CLGN: variants seen among roughly 807,000 people sequenced by gnomAD.
CLGN encodes testis tissue sperm-binding protein Li 79P.
CLGN carries 62 observed loss-of-function variants against 79.1 expected under a neutral mutation model. The observed-to-expected ratio is 0.78, with a 90% confidence interval of 0.64 to 0.97. The LOEUF is 0.97. Ranked by LOEUF, CLGN falls within the 50% of genes least tolerant of loss-of-function variation. The pLI is 0.00. For synonymous variants in CLGN, 225 were observed against 224.7 expected, an observed-to-expected ratio of 1.00 and a Z score of -0.01; for missense variants, 647 against 715.5, an observed-to-expected ratio of 0.90 and a Z score of 1.09.
At chr4:140,412,587 C>A (rs1168566604) in intron 2 of CLGN, among the ~76,000 whole-genome samples, 1 of 152,004 alleles carries the variant, frequency 6.6e-6, no homozygotes, top group Non-Finnish European at 1.5e-5. Context: ...CAAGGAACTG[C>A]AAATTATATA....
intron 4 of CLGN, among the ~76,000 whole-genome samples, chr4:140,407,427 C>T (rs1392247999): frequency 6.6e-6 from 1 of 151,892 alleles, no homozygotes; most frequent in African/African-American, 2.4e-5. Context: ...ACCTAGAAAA[C>T]CCAAAAGACT....
At chr4:140,401,117 T>A (rs975192873) in intron 6 of CLGN, among the ~76,000 whole-genome samples, 3 of 152,184 alleles carry the variant, frequency 2.0e-5, no homozygotes, top group Non-Finnish European at 2.9e-5. Context: ...CTGACTCAAA[T>A]TTTTTAAAGC....
chr4:140,390,535 CAA>C, intron 14 of CLGN, 91 bp downstream of exon 14: 1 of 767,182 alleles, frequency 1.3e-6, no homozygotes, highest in South Asian at 2.5e-5. Flanking sequence ...AGAAATATGG[CAA>C]AAATTCTTTC....
In CLGN at chr4:140,425,622, CT is replaced by C. The variant is rs60198755; in HGVS notation, c.-10+1914del. Among the ~76,000 whole-genome samples, 604 of 97,136 alleles carry C rather than the reference CT, an allele frequency of 6.2e-3. 2 individuals are homozygous for C. Among genetic ancestry groups the C allele is most frequent in the African/African-American group, 0.021 (490 of 23,824 alleles). The allele number at this position is 97,136 out of a possible 152,430, so 63.7% of individuals were successfully genotyped here. A position where few individuals can be genotyped will look rare whatever the true frequency, so the allele number is the denominator to read the frequency against. On this transcript the variant is annotated intron_variant, in intron 1 of 14. Coordinates refer to ENST00000325617, the MANE Select transcript of CLGN (RefSeq NM_004362.3). Reference sequence around the variant, plus strand: ...TTTCTGTGACACATTTTTGTAATTCCTTTTTTTTTTTTTTTTTTTTTTTTGA... The same window carrying C: ...TTTCTGTGACACATTTTTGTAATTCCTTTTTTTTTTTTTTTTTTTTTTTGA...
chr4:140,400,886 CT>C (rs1375810383), intron 6 of CLGN, among the ~76,000 whole-genome samples: 1 of 152,000 alleles, frequency 6.6e-6, no homozygotes, highest in Non-Finnish European at 1.5e-5. Context: ...TATTTATGGC[CT>C]TAAGACTAAA....
At chr4:140,406,741 T>C (rs1278626901) in intron 4 of CLGN, among the ~76,000 whole-genome samples, 1 of 152,206 alleles carries the variant, frequency 6.6e-6, no homozygotes, top group Non-Finnish European at 1.5e-5. Flanking sequence ...GATCAGGACA[T>C]TCCTGAAATT....
At chr4:140,397,805 G>A (rs1203730449) in intron 8 of CLGN, among the ~76,000 whole-genome samples, 2 of 152,172 alleles carry the variant, frequency 1.3e-5, no homozygotes, top group African/African-American at 4.8e-5. Context: ...TCATGAGGCT[G>A]AGGCAGGAGA....
At chr4:140,392,024 T>C (rs1473629119) in intron 13 of CLGN, among the ~76,000 whole-genome samples, 195 bp downstream of exon 13, 2 of 151,956 alleles carry the variant, frequency 1.3e-5, no homozygotes, top group East Asian at 3.8e-4. Flanking sequence ...TCCTTCTTCC[T>C]AGAATGCAAA....
chr4:140,407,231 T>C (rs1032049797), intron 4 of CLGN, among the ~76,000 whole-genome samples: 1 of 152,164 alleles, frequency 6.6e-6, no homozygotes, highest in African/African-American at 2.4e-5. Flanking sequence ...CTCACATTGA[T>C]GGTGAATTGT....
chr4:140,422,311 A>G (rs2126635508), intron 1 of CLGN, among the ~76,000 whole-genome samples: 1 of 152,296 alleles, frequency 6.6e-6, no homozygotes, highest in African/African-American at 2.4e-5. Flanking sequence ...TGCTATTAGG[A>G]TTATGACAGG....
At chr4:140,402,213 A>G (rs1729012791) in intron 5 of CLGN, 147 bp from the exon 6 acceptor site, 2 of 461,156 alleles carry the variant, frequency 4.3e-6, no homozygotes, top group Admixed American at 4.2e-5. Flanking sequence ...TACAACCTAT[A>G]GGAAATAAGC....
At position 140,412,946 on chromosome 4, in the gene CLGN, G is replaced by A. The variant is rs753358967; in HGVS notation, c.133C>T (p.Leu45Phe). 5 of 1,613,066 alleles carry A rather than the reference G, an allele frequency of 3.1e-6. No individual in the cohort carries two copies. Among genetic ancestry groups the A allele is most frequent in the African/African-American group, 1.3e-5 (1 of 74,876 alleles). Reference sequence around the variant, plus strand: ...CTCAATAACCATACCTCTGAGGAAAGTTCACTTTCATTAACATCAATTTCT... The same window carrying A: ...CTCAATAACCATACCTCTGAGGAAAATTCACTTTCATTAACATCAATTTCT... ...SEEIDVNESELSSEIKYKTPQ... is the reference protein window; with the variant it reads ...SEEIDVNESEFSSEIKYKTPQ... The change falls in exon 2 of 15, where the codon CTT (leucine) becomes TTT (phenylalanine). Residue 45 changes from leucine (L) to phenylalanine (F), a missense_variant. Physicochemically the swap from Leu to Phe is conservative, Grantham distance 22. Transcript: ENST00000325617.
chr4:140,397,403 T>A (rs1463001390), intron 8 of CLGN, among the ~76,000 whole-genome samples: 1 of 152,052 alleles, frequency 6.6e-6, no homozygotes, highest in African/African-American at 2.4e-5. Flanking sequence ...GTCAGCTATA[T>A]GATTGAAAAT....
chr4:140,418,457 A>G (rs1225780349), intron 1 of CLGN, among the ~76,000 whole-genome samples: 1 of 147,860 alleles, frequency 6.8e-6, no homozygotes. Flanking sequence ...TACTCATCTG[A>G]CAAAGGGCTA....
At chr4:140,392,162 T>A in intron 13 of CLGN, 57 bp downstream of exon 13, 1 of 1,567,598 alleles carries the variant, frequency 6.4e-7, no homozygotes, top group East Asian at 2.2e-5. Flanking sequence ...CAAGGCCATA[T>A]ACAGTTTTAT....
At chr4:140,425,372 T>C (rs141054199) in intron 1 of CLGN, among the ~76,000 whole-genome samples, 81 of 152,000 alleles carry the variant, frequency 5.3e-4, no homozygotes, top group Non-Finnish European at 8.8e-4. Flanking sequence ...CCTGAATCAT[T>C]ACTTGGAGGA....
At chr4:140,415,476 C>T (rs1729310070) in intron 1 of CLGN, among the ~76,000 whole-genome samples, 1 of 152,048 alleles carries the variant, frequency 6.6e-6, no homozygotes, top group African/African-American at 2.4e-5. Flanking sequence ...CAGAGACACA[C>T]ATAGGCTCCA....
intron 2 of CLGN, among the ~76,000 whole-genome samples, chr4:140,412,695 T>C (rs1356548207): frequency 2.0e-5 from 3 of 152,206 alleles, no homozygotes; most frequent in Non-Finnish European, 4.4e-5. Context: ...CCTGTTTTGA[T>C]AGTAAAAACC....
At chr4:140,393,201 C>T (rs1267087868) in intron 11 of CLGN, among the ~76,000 whole-genome samples, 1 of 151,904 alleles carries the variant, frequency 6.6e-6, no homozygotes, top group Non-Finnish European at 1.5e-5. Flanking sequence ...TTTAAAAAAT[C>T]AAATGTTTTA....
Sources: allele counts gnomAD v4.1 joint callset (sites outside exome capture counted in the v4.1 genomes callset), GRCh38; gene constraint gnomAD v4.1.1; transcripts MANE v1.5; gene names NCBI Gene and HGNC (gene_info 2026-07-23, HGNC 2026-07-21).